The following GRID2 variants were observed in gnomAD, a reference collection of about 807,000 sequenced individuals.
GRID2 encodes glutamate receptor ionotropic, delta-2.
GRID2 carries 33 observed loss-of-function variants against 114.8 expected under a neutral mutation model. The observed-to-expected ratio is 0.29, with a 90% CI of 0.22 to 0.38. The LOEUF is 0.38. Among genes scored for constraint, GRID2 ranks in the 10% least tolerant of loss-of-function variants. GRID2 has a pLI of 1.00. For missense variants in GRID2, 1,184 were observed against 1,257.7 expected, an observed-to-expected ratio of 0.94 and a Z score of 0.89; for synonymous variants, 505 against 449.9, an observed-to-expected ratio of 1.12 and a Z score of -1.55.
At chr4:92,997,427 G>T (rs773206715) in intron 2 of GRID2, among the ~76,000 whole-genome samples, 2 of 152,152 alleles carry the variant, frequency 1.3e-5, no homozygotes, top group African/African-American at 2.4e-5. Context: ...TAAGATCAGA[G>T]ACCCTAGTGC....
intron 14 of GRID2, among the ~76,000 whole-genome samples, chr4:93,629,317 T>A (rs773819980): frequency 6.6e-6 from 1 of 152,150 alleles, no homozygotes; most frequent in Non-Finnish European, 1.5e-5. Context: ...CTGTGGAGTT[T>A]CTTGGTAACG....
chr4:92,384,577 A>ATATATTATATATAATATAAT (rs1560599086), intron 1 of GRID2, among the ~76,000 whole-genome samples: 2 of 49,804 alleles, frequency 4.0e-5, no homozygotes, highest in African/African-American at 1.9e-4. Context: ...TAATATATAA[A>ATATATTATATATAATATAAT]ATATATTATA....
intron 8 of GRID2, among the ~76,000 whole-genome samples, chr4:93,276,397 G>A (rs182441937): frequency 4.7e-4 from 71 of 151,984 alleles, no homozygotes; most frequent in Non-Finnish European, 9.1e-4. Flanking sequence ...CTCCAGTTTT[G>A]CTCTTTTTCA....
intron 14 of GRID2, among the ~76,000 whole-genome samples, chr4:93,738,644 T>C (rs1344477360): frequency 6.6e-6 from 1 of 152,126 alleles, no homozygotes; most frequent in Non-Finnish European, 1.5e-5. Context: ...AGACTCCATT[T>C]ATGGTGACAA....
chr4:93,201,408 T>C (rs889792880), intron 4 of GRID2, among the ~76,000 whole-genome samples: 28 of 152,156 alleles, frequency 1.8e-4, no homozygotes, highest in African/African-American at 6.8e-4. Context: ...AGCTCTTTAG[T>C]GTTTCTCTAG....
At chr4:92,422,931 G>T (rs911941293) in intron 1 of GRID2, among the ~76,000 whole-genome samples, 3 of 152,170 alleles carry the variant, frequency 2.0e-5, no homozygotes, top group Non-Finnish European at 4.4e-5. Context: ...AACAAGGACA[G>T]CTTGGAGAAC....
chr4:92,927,232 A>C (rs1749879269), intron 2 of GRID2, among the ~76,000 whole-genome samples: 1 of 151,850 alleles, frequency 6.6e-6, no homozygotes, highest in Non-Finnish European at 1.5e-5. Flanking sequence ...TCATAAGAGA[A>C]ATCCAAAGAG....
intron 3 of GRID2, among the ~76,000 whole-genome samples, chr4:93,109,536 A>G (rs999242356): frequency 2.0e-5 from 3 of 152,020 alleles, no homozygotes; most frequent in Admixed American, 2.0e-4. Flanking sequence ...TCTGGTTTGT[A>G]TGTTGAAAAA....
At chr4:93,167,929 C>T (rs1007890895) in intron 4 of GRID2, among the ~76,000 whole-genome samples, 1 of 152,002 alleles carries the variant, frequency 6.6e-6, no homozygotes, top group East Asian at 1.9e-4. Flanking sequence ...TGCAGTGGCT[C>T]ACACCTGTAT....
At chr4:93,698,744 G>C (rs949948210) in intron 14 of GRID2, among the ~76,000 whole-genome samples, 13 of 152,056 alleles carry the variant, frequency 8.5e-5, no homozygotes, top group African/African-American at 2.9e-4. Flanking sequence ...AACTTCAAAA[G>C]TATTCTTCAC....
chr4:93,193,467 C>T (rs1164910148), intron 4 of GRID2, among the ~76,000 whole-genome samples: 1 of 152,048 alleles, frequency 6.6e-6, no homozygotes, highest in African/African-American at 2.4e-5. Context: ...GGGGCTTTTG[C>T]CCCTTTTGCT....
At chr4:93,082,444 C>G (rs1426469696) in intron 2 of GRID2, among the ~76,000 whole-genome samples, 3 of 152,134 alleles carry the variant, frequency 2.0e-5, no homozygotes, top group Non-Finnish European at 4.4e-5. Flanking sequence ...ATTGGGCCCT[C>G]TCAGAGGGAT....
intron 2 of GRID2, among the ~76,000 whole-genome samples, chr4:92,752,581 A>G (rs919531054): frequency 2.6e-5 from 4 of 152,326 alleles, no homozygotes; most frequent in Admixed American, 2.6e-4. Context: ...TGAAAAAGTA[A>G]TACATTTAAT....
chr4:93,017,443 A>C (rs1055624997), intron 2 of GRID2, among the ~76,000 whole-genome samples: 3 of 152,154 alleles, frequency 2.0e-5, no homozygotes, highest in Non-Finnish European at 2.9e-5. Flanking sequence ...ACTTTCAAAA[A>C]AATTTTGTAG....
chr4:93,531,666 G>T (rs1731457167), intron 13 of GRID2, among the ~76,000 whole-genome samples: 1 of 151,972 alleles, frequency 6.6e-6, no homozygotes, highest in Non-Finnish European at 1.5e-5. Flanking sequence ...TATGATGAAA[G>T]ATTCTGCCAA....
At position 93,769,428 on chromosome 4, in the gene GRID2, G is replaced by T. The variant is rs1027044714; in HGVS notation, c.2579G>T (p.Gly860Val). 5 of 1,613,886 alleles carry T rather than the reference G, an allele frequency of 3.1e-6. No homozygotes were observed. The highest frequency in any genetic ancestry group is 3.4e-6 in the Non-Finnish European group (4 of 1,179,868). Residue 860 changes from glycine (G) to valine (V), a missense_variant, in exon 15 of 16, where the codon GGC (glycine) becomes GTC (valine). By Grantham distance (109) the Gly-to-Val change is moderately radical (BLOSUM62 -3). Transcript: ENST00000282020. Reference protein sequence around the residue: ...MLETWWNKRKGSRVPSKEDDK... With the variant: ...MLETWWNKRKVSRVPSKEDDK... ...GAGACGTGGTGGAACAAGAGGAAAG[G>T]CTCCCGGGTTCCATCAAAAGAGGTA...
chr4:93,483,702 C>A (rs1413995743), intron 11 of GRID2, among the ~76,000 whole-genome samples: 2 of 151,940 alleles, frequency 1.3e-5, no homozygotes, highest in Non-Finnish European at 2.9e-5. Flanking sequence ...TGTAGTTTTT[C>A]ATGTGGTAAA....
intron 8 of GRID2, among the ~76,000 whole-genome samples, chr4:93,299,621 G>A (rs368788292): frequency 7.3e-5 from 11 of 150,806 alleles, no homozygotes; most frequent in Admixed American, 3.3e-4. Flanking sequence ...TGATGGGTGC[G>A]GCACACCAAC....
intron 8 of GRID2, among the ~76,000 whole-genome samples, chr4:93,264,297 G>A (rs1750563718): frequency 1.3e-5 from 2 of 152,082 alleles, no homozygotes; most frequent in African/African-American, 4.8e-5. Flanking sequence ...CAAAGGAATG[G>A]TTTTGTCATT....
Sources: gnomAD v4.1 joint callset for allele counts (sites outside exome capture counted in the v4.1 genomes callset) on GRCh38, gnomAD v4.1.1 for gene constraint, MANE v1.5 for transcripts, NCBI Gene and HGNC (gene_info 2026-07-23, HGNC 2026-07-21) for gene names.